NID1: variants seen among roughly 807,000 people sequenced by gnomAD.
The protein encoded by NID1 is nidogen-1.
NID1 carries 76 observed loss-of-function variants against 130.6 expected under a neutral mutation model. That is an observed-to-expected ratio of 0.58 (90% CI 0.48 to 0.70). The LOEUF (loss-of-function observed/expected upper bound fraction) is 0.70, where lower values mean the gene tolerates loss of function less well. Ranked by LOEUF, NID1 falls within the 30% of genes least tolerant of loss-of-function variation. The pLI, the probability that NID1 is intolerant of heterozygous loss-of-function variation, is 0.00. For synonymous variants in NID1, 665 were observed against 675.1 expected (o/e 0.98, Z 0.23); for missense variants, 1,517 against 1,664.8 (o/e 0.91, Z 1.54).
chr1:236,057,735 AAG>A (rs983156863), intron 1 of NID1, among the ~76,000 whole-genome samples: 2 of 152,004 alleles, frequency 1.3e-5, no homozygotes, highest in Non-Finnish European at 2.9e-5. Context: ...AAGAAAGAAA[AAG>A]AGAGAGAGAG....
intron 2 of NID1, among the ~76,000 whole-genome samples, chr1:236,046,379 T>C (rs924713790): frequency 6.6e-6 from 1 of 151,988 alleles, no homozygotes; most frequent in Non-Finnish European, 1.5e-5. Context: ...AAACCTGAGG[T>C]TGGATTCTGT....
Position 235,979,854 on chromosome 1 carries a change from G to A in NID1, c.3477C>T (p.Tyr1159=), listed in dbSNP as rs115093040. The change falls in exon 18 of 20, where the codon TAC becomes TAT. Residue 1159 remains tyrosine (Y), a synonymous_variant. Transcript: ENST00000264187. This position sits in a 1 kb window ranked among gnomAD's most constrained non-coding sequence, Gnocchi z 4.6. ...GLQYPFAVTS[Y]GKNLYFTDWK... is the part of the protein sequence containing the mutation. ...AGTCTGTGAAATACAGATTCTTCCC[G>A]TAGCTCGTCACAGCAAAAGGATACT... 3.2e-5 allele frequency: 52 copies of A among 1,614,048 alleles called. No homozygotes were observed. Among genetic ancestry groups the A allele is most frequent in the Middle Eastern group, 1.6e-4 (1 of 6,062 alleles).
intron 14 of NID1, among the ~76,000 whole-genome samples, chr1:235,988,003 T>C (rs1370337255): frequency 6.6e-6 from 1 of 151,750 alleles, no homozygotes; most frequent in African/African-American, 2.4e-5. Context: ...TTGGATATGA[T>C]ACCAAAAGCA....
intron 9 of NID1, among the ~76,000 whole-genome samples, chr1:236,020,268 A>G (rs1286147887): frequency 2.6e-5 from 4 of 152,142 alleles, no homozygotes; most frequent in Non-Finnish European, 5.9e-5. Context: ...AAAATCCTGG[A>G]TCATTCTTGT....
intron 16 of NID1, 125 bp downstream of exon 16, chr1:235,981,486 A>C: frequency 9.8e-7 from 1 of 1,019,374 alleles, no homozygotes; most frequent in East Asian, 2.6e-5. Flanking sequence ...AAAACTGTAG[A>C]CTCTTTCGTC....
chr1:235,992,749 G>A (rs1380473126), intron 13 of NID1, among the ~76,000 whole-genome samples: 1 of 152,212 alleles, frequency 6.6e-6, no homozygotes, highest in Non-Finnish European at 1.5e-5. Context: ...GTGTGAACGA[G>A]TGAAGTTTCT....
Position 235,977,936 on chromosome 1 carries a change from G to A in NID1, c.3675C>T (p.Ala1225=), listed in dbSNP as rs778898715. 10 of 1,614,040 alleles carry A rather than the reference G, an allele frequency of 6.2e-6. No individual in the cohort carries two copies. Residue 1225 remains alanine, a synonymous_variant, in exon 20 of 20, where the codon GCC becomes GCT. Coordinates refer to ENST00000264187, the MANE Select transcript of NID1 (RefSeq NM_002508.3). ...AACGGCAGGTCCTGCTCCCTGGGGT[G>A]GCCAAGCATAGGTGGGTGCAGCCGC... ...NNGGCTHLCL[A]TPGSRTCRCP...
chr1:235,993,832 A>T lies in NID1; in HGVS notation c.2568T>A (p.Ile856=), dbSNP rs935682628. ...GGTCTGTCGCCCCCGCTGCCCCGAGAATGTGTTCTCGCTCGTGCTGGCACC... is the reference window on the plus strand; with the variant it reads ...GGTCTGTCGCCCCCGCTGCCCCGAGTATGTGTTCTCGCTCGTGCTGGCACC... ...KTRCQHEREH[I]LGAAGATDPQ... The change falls in exon 13 of 20, where the codon ATT becomes ATA. Residue 856 remains isoleucine, a synonymous_variant. Coordinates refer to ENST00000264187, the MANE Select transcript of NID1 (RefSeq NM_002508.3). 1 of 1,614,072 alleles carries T rather than the reference A, an allele frequency of 6.2e-7. No homozygotes were observed. The highest frequency in any genetic ancestry group is 8.5e-7 in the Non-Finnish European group (1 of 1,179,954).
intron 7 of NID1, among the ~76,000 whole-genome samples, chr1:236,028,898 C>T (rs6429474): frequency 0.41 from 61,955 of 151,948 alleles, 14,085 homozygotes; most frequent in African/African-American, 0.61. Context: ...CAGATGTGGC[C>T]GGGCGCAGTT....
chr1:236,016,366 C>T (rs1006301220), intron 10 of NID1, among the ~76,000 whole-genome samples: 2 of 152,046 alleles, frequency 1.3e-5, no homozygotes, highest in African/African-American at 2.4e-5. Flanking sequence ...TAGGGTTTAG[C>T]GAACAGTGAG....
At position 236,038,099 on chromosome 1, in the gene NID1, A is replaced by G; in HGVS notation, c.1285+5T>C. On this transcript the variant is annotated splice_donor_5th_base_variant and intron_variant, in intron 5 of 19. Coordinates refer to ENST00000264187, the MANE Select transcript of NID1 (RefSeq NM_002508.3). Reference sequence around the variant, plus strand: ...GCATGAAACGAACATAGAAAAGCAAATTACCTTCTGCAACACATTGCCTGC... The same window carrying G: ...GCATGAAACGAACATAGAAAAGCAAGTTACCTTCTGCAACACATTGCCTGC... 6.3e-7 allele frequency: 1 copy of G among 1,590,224 alleles called. No homozygotes were observed.
chr1:236,045,502 T>C lies in NID1; in HGVS notation c.707A>G (p.Tyr236Cys). ...TTCCCTGTCATTAGCAAATATGTTATAAGCTCCGTTGCTCTTCCATAAGAA... is the reference window on the plus strand; with the variant it reads ...TTCCCTGTCATTAGCAAATATGTTACAAGCTCCGTTGCTCTTCCATAAGAA... ...VGFLWKSNGA[Y>C]NIFANDRESV... The change falls in exon 3 of 20, where the codon TAT becomes TGT. Residue 236 changes from tyrosine (Y) to cysteine (C), a missense_variant. This residue lies in a region of NID1 where 1,329 missense variants were observed against 1,429.2 expected (regional missense o/e 0.93). Coordinates refer to ENST00000264187, the MANE Select transcript of NID1 (RefSeq NM_002508.3). The C allele has an allele frequency of 6.2e-7, 1 of 1,614,164 alleles. No homozygotes were observed.
chr1:236,003,839 C>A (rs187903643), intron 12 of NID1, among the ~76,000 whole-genome samples: 17 of 152,204 alleles, frequency 1.1e-4, no homozygotes, highest in Admixed American at 1.1e-3. Context: ...CACTGCACTC[C>A]AGCCTGGGCA....
chr1:236,062,566 G>A (rs867165070), intron 1 of NID1, among the ~76,000 whole-genome samples: 19 of 150,706 alleles, frequency 1.3e-4, no homozygotes, highest in South Asian at 6.3e-4. Flanking sequence ...CCTGGGAGGC[G>A]GAGGTTGTGG....
chr1:236,050,552 CAAA>C (rs71868379), intron 1 of NID1, among the ~76,000 whole-genome samples: 1 of 128,392 alleles, frequency 7.8e-6, no homozygotes. Flanking sequence ...AATTCCATTT[CAAA>C]AAAAAAAAAA....
intron 10 of NID1, among the ~76,000 whole-genome samples, chr1:236,014,105 T>C (rs1237580537): frequency 6.6e-6 from 1 of 152,188 alleles, no homozygotes; most frequent in Non-Finnish European, 1.5e-5. Flanking sequence ...GGGAGACAGC[T>C]ATGGTTGGAA....
intron 8 of NID1, 118 bp from the exon 9 acceptor site, chr1:236,024,331 T>A: frequency 8.1e-7 from 1 of 1,231,960 alleles, no homozygotes; most frequent in Non-Finnish European, 1.1e-6. Context: ...AAGAGCAGAG[T>A]GGAATGGGAC....
chr1:236,025,963 G>A lies in NID1; in HGVS notation c.1917C>T (p.Phe639=), dbSNP rs767535442. The stretch of plus-strand genomic sequence containing the variant: ...TCTTCTCCTCCTGGTTGTACAGGAC[G>A]AACACGCTGTCCACCGAGAGCTGCT... ...STQQLSVDSV[F]VLYNQEEKIL... Residue 639 remains phenylalanine, a synonymous_variant, in exon 8 of 20, where the codon TTC becomes TTT. Transcript: ENST00000264187. The A allele has an allele frequency of 7.1e-5, 114 of 1,612,494 alleles. No individual in the cohort carries two copies. Among genetic ancestry groups the A allele is most frequent in the Non-Finnish European group, 9.1e-5 (107 of 1,179,572 alleles).
chr1:236,014,450 G>A (rs1658527618), intron 10 of NID1, among the ~76,000 whole-genome samples: 1 of 152,026 alleles, frequency 6.6e-6, no homozygotes, highest in Admixed American at 6.6e-5. Context: ...GGTGCCTTAG[G>A]AACCCCAGAG....
Sources: gnomAD v4.1 joint callset for allele counts (sites outside exome capture counted in the v4.1 genomes callset) on GRCh38, gnomAD v4.1.1 for gene constraint, gnomAD v4.1.1 regional missense constraint, Gnocchi (gnomAD v3.1) non-coding constraint, MANE v1.5 for transcripts, NCBI Gene and HGNC (gene_info 2026-07-23, HGNC 2026-07-21) for gene names.